The following C2CD5 variants were observed in gnomAD, a reference collection of about 807,000 sequenced individuals.
C2CD5 encodes C2 calcium dependent domain containing 5.
C2CD5 carries 109 observed loss-of-function variants against 130.3 expected under a neutral mutation model. The ratio of observed to expected loss-of-function variants is 0.84; its 90% CI spans 0.72 to 0.98. C2CD5 has a LOEUF of 0.98. Among genes scored for constraint, C2CD5 ranks in the 50% least tolerant of loss-of-function variants. The pLI is 0.00. For missense variants in C2CD5, 996 were observed against 1,261.8 expected (o/e 0.79, Z 3.19); for synonymous variants, 454 against 429.2 (o/e 1.06, Z -0.71).
rs191284264 is a variant in C2CD5, at chr12:22,538,245, T to G, written c.91-2901A>C. Among the ~76,000 whole-genome samples, 54 of 152,348 alleles carry G rather than the reference T, an allele frequency of 3.5e-4. No individual in the cohort carries two copies. The East Asian group carries it at 9.8e-3, about 28-fold the overall frequency. On this transcript the variant is annotated intron_variant, in intron 2 of 26. Coordinates refer to ENST00000446597, the MANE Select transcript of C2CD5 (RefSeq NM_001286176.2). ...ATTCATCTCTGATTTCCAGTTTGGG[T>G]TGCTTTAAAAAGTACGAACAAAGAA... is the stretch of plus-strand genomic sequence containing the variant.
chr12:22,474,865 T>G lies in C2CD5; in HGVS notation c.1929A>C (p.Ser643=), dbSNP rs1943610041. 1.9e-6 allele frequency: 3 copies of G among 1,601,984 alleles called. No homozygotes were observed. The highest frequency in any genetic ancestry group is 2.7e-5 in the African/African-American group (2 of 74,612). The change falls in exon 16 of 27, where the codon TCA becomes TCC. Residue 643 remains serine, a synonymous_variant. Coordinates refer to ENST00000446597, the MANE Select transcript of C2CD5 (RefSeq NM_001286176.2). ...AGCGTTGCCTAGGTTCTGGGATGGG[T>G]GATCCTATAATCTCTTCAGATATCT... The part of the protein sequence containing the change: ...PPEISEEIIG[S]PIPEPRQRSR...
Position 22,459,519 on chromosome 12 carries a change from T to C in C2CD5, c.2557A>G (p.Asn853Asp), listed in dbSNP as rs1331912067. The C allele has an allele frequency of 5.1e-5, 78 of 1,532,896 alleles. No individual in the cohort carries two copies. Among genetic ancestry groups the C allele is most frequent in the Non-Finnish European group, 6.3e-5 (72 of 1,144,170 alleles). The allele number at this position is 1,532,896 out of a possible 1,614,324, so 95.0% of individuals were successfully genotyped here. ...AKEHLESASS[N>D]SGIPAAQRAT... ...CTCTGTGCAGCTGGTATACCTGAGT[T>C]AGAACTTGCACTCTCCAGGTGTTCT... Residue 853 changes from asparagine (N) to aspartate (D), a missense_variant, in exon 23 of 27, where the codon AAC becomes GAC. Around this residue, in one of 9 missense-constraint regions of C2CD5, gnomAD observed 590 missense variants for 631.4 expected, o/e 0.93. Transcript: ENST00000446597.
chr12:22,502,082 T>A (rs1947876009), intron 10 of C2CD5, among the ~76,000 whole-genome samples: 2 of 151,990 alleles, frequency 1.3e-5, no homozygotes, highest in South Asian at 4.1e-4. Context: ...CTAAAACACA[T>A]CATCAGCTGT....
In C2CD5 at chr12:22,527,805, C is replaced by G; in HGVS notation, c.265G>C (p.Val89Leu). Residue 89 changes from valine (V) to leucine (L), a missense_variant, in exon 4 of 27, where the codon GTG becomes CTG. Transcript: ENST00000446597. ...AGTAAAGGATCAATATCAATGTACA[C>G]TTTACCAATGGCATCATTTGCACTG... ...TYSANDAIGKVYIDIDPLLYS... is the reference protein window; with the variant it reads ...TYSANDAIGKLYIDIDPLLYS... 1 of 1,610,714 alleles carries G rather than the reference C, an allele frequency of 6.2e-7. No individual in the cohort carries two copies. Among genetic ancestry groups the G allele is most frequent in the Non-Finnish European group, 8.5e-7 (1 of 1,177,186 alleles).
chr12:22,482,104 T>A (rs144775532), intron 14 of C2CD5, among the ~76,000 whole-genome samples: 69 of 152,300 alleles, frequency 4.5e-4, no homozygotes, highest in African/African-American at 1.6e-3. Context: ...AAGGGACATT[T>A]GGCAATTTCT....
At chr12:22,494,847 A>G (rs1946810477) in intron 10 of C2CD5, among the ~76,000 whole-genome samples, 1 of 152,084 alleles carries the variant, frequency 6.6e-6, no homozygotes, top group South Asian at 2.1e-4. Flanking sequence ...ATATTCCCAA[A>G]TGAAATGTAT....
chr12:22,478,839 C>G (rs1944261918), intron 14 of C2CD5, among the ~76,000 whole-genome samples: 1 of 150,394 alleles, frequency 6.6e-6, no homozygotes, highest in South Asian at 2.1e-4. Flanking sequence ...GAGCAAGACT[C>G]TGTCTCAAAA....
intron 9 of C2CD5, among the ~76,000 whole-genome samples, chr12:22,511,728 G>C (rs761090308): frequency 6.6e-6 from 1 of 152,160 alleles, no homozygotes; most frequent in Admixed American, 6.5e-5. Flanking sequence ...CTTAAAGTGA[G>C]ATGGTTTTTA....
intron 21 of C2CD5, among the ~76,000 whole-genome samples, chr12:22,470,068 T>C (rs1942774953): frequency 6.6e-6 from 1 of 152,126 alleles, no homozygotes; most frequent in South Asian, 2.1e-4. Flanking sequence ...TAATAAATGC[T>C]AGACAATAAT....
chr12:22,523,564 C>A lies in C2CD5; in HGVS notation c.662G>T (p.Gly221Val). Reference protein sequence around the residue: ...VLEMRGNAVVGYLQCFDLEGE... With the variant: ...VLEMRGNAVVVYLQCFDLEGE... ...CTCCAGATCGAAACACTGTAAGTAC[C>A]CCACAACTGCATTTCCTCTCATTTC... The change falls in exon 7 of 27, where the codon GGG becomes GTG. Residue 221 changes from glycine (G) to valine (V), a missense_variant. Around this residue, in one of 9 missense-constraint regions of C2CD5, gnomAD observed 26 missense variants for 56.6 expected, o/e 0.46. Transcript: ENST00000446597. The A allele has an allele frequency of 6.2e-7, 1 of 1,613,882 alleles. No homozygotes were observed. Among genetic ancestry groups the A allele is most frequent in the Non-Finnish European group, 8.5e-7 (1 of 1,179,958 alleles).
In C2CD5 at chr12:22,449,661, T is replaced by C; in HGVS notation, c.*99A>G. On this transcript the variant is annotated 3_prime_UTR_variant, in exon 27 of 27. Transcript: ENST00000446597. ...TCAAATCTACTCAATTCTTCCTTAT[T>C]TATCTCAAGTTCAATTTTAAGTCTA... 9.2e-7 allele frequency: 1 copy of C among 1,088,882 alleles called. No homozygotes were observed. Among genetic ancestry groups the C allele is most frequent in the Non-Finnish European group, 1.3e-6 (1 of 749,294 alleles). 67.5% of individuals were successfully genotyped at this position (1,088,882 alleles called of 1,614,324 possible).
At position 22,449,910 on chromosome 12, in the gene C2CD5, G is replaced by A; in HGVS notation, c.3025-19C>T. On this transcript the variant is annotated intron_variant, in intron 26 of 26. Coordinates refer to ENST00000446597, the MANE Select transcript of C2CD5 (RefSeq NM_001286176.2). ...ACTGTGCCTATAAGAACAACAAACA[G>A]GACAGGTTCAGTTATACTCAACACA... The A allele has an allele frequency of 6.3e-7, 1 of 1,593,282 alleles. No individual in the cohort carries two copies. Among genetic ancestry groups the A allele is most frequent in the South Asian group, 1.1e-5 (1 of 89,398 alleles).
At chr12:22,535,512 CTAA>C (rs1200654228) in intron 2 of C2CD5, among the ~76,000 whole-genome samples, 168 bp from the exon 3 acceptor site, 3 of 152,126 alleles carry the variant, frequency 2.0e-5, no homozygotes, top group East Asian at 3.8e-4. Flanking sequence ...AGATTGTAGA[CTAA>C]TAATAATACC....
At chr12:22,457,534 T>G (rs1445752945) in intron 24 of C2CD5, among the ~76,000 whole-genome samples, 2 of 152,146 alleles carry the variant, frequency 1.3e-5, no homozygotes, top group Non-Finnish European at 2.9e-5. Flanking sequence ...TATTTCCCAG[T>G]GCAATTTTTC....
intron 23 of C2CD5, 105 bp from the exon 24 acceptor site, chr12:22,458,690 C>T (rs1057085380): frequency 2.4e-6 from 1 of 422,150 alleles, no homozygotes; most frequent in African/African-American, 2.0e-5. Flanking sequence ...TTAACTGTAA[C>T]TCAGAAAAAG....
intron 9 of C2CD5, among the ~76,000 whole-genome samples, chr12:22,509,011 G>A (rs986688041): frequency 1.3e-5 from 2 of 151,496 alleles, no homozygotes; most frequent in Non-Finnish European, 2.9e-5. Context: ...CGAGTAGCTG[G>A]GACTACAGGC....
chr12:22,493,112 T>G, intron 11 of C2CD5, 111 bp downstream of exon 11: 1 of 586,200 alleles, frequency 1.7e-6, no homozygotes, highest in Non-Finnish European at 3.0e-6. Flanking sequence ...CCAAGGCCCA[T>G]GCTCCTGAAC....
chr12:22,474,158 A>G (rs762884793), intron 16 of C2CD5, among the ~76,000 whole-genome samples: 2 of 152,150 alleles, frequency 1.3e-5, no homozygotes, highest in Non-Finnish European at 2.9e-5. Context: ...CCTTTCCTTC[A>G]ATATGAAAAA....
chr12:22,488,631 T>G (rs1945908915), intron 12 of C2CD5, among the ~76,000 whole-genome samples: 1 of 152,102 alleles, frequency 6.6e-6, no homozygotes, highest in Non-Finnish European at 1.5e-5. Flanking sequence ...CTGGTACAAC[T>G]CACTGACAAA....
Sources: gnomAD v4.1 joint callset for allele counts (sites outside exome capture counted in the v4.1 genomes callset) on GRCh38, gnomAD v4.1.1 for gene constraint, gnomAD v4.1.1 regional missense constraint, MANE v1.5 for transcripts, NCBI Gene and HGNC (gene_info 2026-07-23, HGNC 2026-07-21) for gene names.